The following UGT2A1 variants were observed in gnomAD, a reference collection of about 807,000 sequenced individuals.
UGT2A1 encodes UDP-glucuronosyltransferase 2A1.
Under a neutral mutation model 45.4 loss-of-function variants are expected in UGT2A1, and 61 were observed. The observed-to-expected ratio is 1.34, with a 90% CI of 1.09 to 1.66. UGT2A1 has a LOEUF of 1.66. UGT2A1 is among the 40% of genes most tolerant of loss of function. UGT2A1 has a pLI of 0.00. For missense variants in UGT2A1, 649 were observed against 574.3 expected, an observed-to-expected ratio of 1.13 and a Z score of -1.33; for synonymous variants, 229 against 196.2, an observed-to-expected ratio of 1.17 and a Z score of -1.40.
rs369471974 is a variant in UGT2A1, at chr4:69,603,563, C to G, written c.848-4169G>C. ...TCACACGCAACAGAACAAAACTGGACGGAGAATGACTTTGACGAGCTGAGA... is the reference window on the plus strand; with the variant it reads ...TCACACGCAACAGAACAAAACTGGAGGGAGAATGACTTTGACGAGCTGAGA... On this transcript the variant is annotated intron_variant, in intron 3 of 6. Transcript: ENST00000286604. The G allele has an allele frequency of 1.5e-5, 2 of 136,826 alleles. 1 individual carries two copies. The highest frequency in any genetic ancestry group is 3.1e-5 in the Non-Finnish European group (2 of 64,368). The allele number at this position is 136,826 out of a possible 1,614,324, so 8.5% of individuals were successfully genotyped here.
At chr4:69,632,660 C>T (rs1431921595) in intron 3 of UGT2A1, among the ~76,000 whole-genome samples, 4 of 151,992 alleles carry the variant, frequency 2.6e-5, no homozygotes, top group Admixed American at 1.3e-4. Flanking sequence ...GAGGCAGAGG[C>T]GGGCAGATCA....
intron 3 of UGT2A1, among the ~76,000 whole-genome samples, chr4:69,624,221 TA>T (rs1222604174): frequency 6.6e-6 from 1 of 151,550 alleles, no homozygotes; most frequent in African/African-American, 2.4e-5. Context: ...CACCTTTACT[TA>T]TAAAATGACC....
Position 69,595,065 on chromosome 4 carries a change from T to C in UGT2A1, c.1084+97A>G. The C allele has an allele frequency of 2.0e-6, 3 of 1,468,452 alleles. No homozygotes were observed. In the South Asian group the frequency reaches 3.6e-5, roughly 18 times the overall value. The allele number at this position is 1,468,452 out of a possible 1,614,324, so 91.0% of individuals were successfully genotyped here. A position where few individuals can be genotyped will look rare whatever the true frequency, so the allele number is the denominator to read the frequency against. On this transcript the variant is annotated intron_variant, in intron 5 of 6. Transcript: ENST00000286604. Reference sequence around the variant, plus strand: ...TAAAATTGAGTGTCAAATAACATTTTAAATTATTAAAAATGTATTGAATTT... The same window carrying C: ...TAAAATTGAGTGTCAAATAACATTTCAAATTATTAAAAATGTATTGAATTT...
chr4:69,591,679 A>AT (rs1718605311), intron 6 of UGT2A1, among the ~76,000 whole-genome samples: 1 of 152,148 alleles, frequency 6.6e-6, no homozygotes, highest in Admixed American at 6.6e-5. Context: ...GAGGAAGTCC[A>AT]TTTGGATGGT....
intron 3 of UGT2A1, among the ~76,000 whole-genome samples, chr4:69,630,046 A>G (rs1359036968): frequency 1.3e-5 from 2 of 152,250 alleles, no homozygotes; most frequent in Non-Finnish European, 2.9e-5. Context: ...TTTATTTCTC[A>G]TATTTAAACG....
At position 69,647,028 on chromosome 4, in the gene UGT2A1, A is replaced by G. The variant is rs187446050; in HGVS notation, c.617T>C (p.Phe206Ser). 1.6e-5 allele frequency: 25 copies of G among 1,612,834 alleles called. No homozygotes were observed. In the East Asian group the frequency reaches 5.6e-4, roughly 36 times the overall value. ...GATGAAATTTCTTATTCTGTCAGTG[A>G]AAGACATTTGGTCGGTGAGTTCTGA... ...VLSELTDQMS[F>S]TDRIRNFISY... The change falls in exon 2 of 7, where the codon TTC becomes TCC. Residue 206 changes from phenylalanine (F) to serine (S), a missense_variant. By Grantham distance (155) the Phe-to-Ser change is radical. Coordinates refer to ENST00000286604, the MANE Select transcript of UGT2A1 (RefSeq NM_001252275.3).
intron 1 of UGT2A1, among the ~76,000 whole-genome samples, chr4:69,651,980 C>T (rs1056223417): frequency 6.6e-6 from 1 of 152,154 alleles, no homozygotes; most frequent in Admixed American, 6.5e-5. Flanking sequence ...ACTTCAGGTG[C>T]CCACTTGAGT....
At chr4:69,621,957 G>A (rs1720781076) in intron 3 of UGT2A1, among the ~76,000 whole-genome samples, 1 of 151,790 alleles carries the variant, frequency 6.6e-6, no homozygotes, top group Non-Finnish European at 1.5e-5. Flanking sequence ...GCTAAATGAT[G>A]AGAACTCATG....
intron 3 of UGT2A1, among the ~76,000 whole-genome samples, chr4:69,623,718 T>G (rs1720883839): frequency 6.6e-6 from 1 of 151,262 alleles, no homozygotes; most frequent in Non-Finnish European, 1.5e-5. Flanking sequence ...TTAGGATTCA[T>G]CTCAAGTTAG....
At chr4:69,636,564 C>A (rs7662915) in intron 2 of UGT2A1, among the ~76,000 whole-genome samples, 34,019 of 151,890 alleles carry the variant, frequency 0.22, 4,089 homozygotes, top group Middle Eastern at 0.25. Flanking sequence ...TGAGAACTTG[C>A]TGTTTTACAA....
intron 3 of UGT2A1, among the ~76,000 whole-genome samples, chr4:69,610,495 C>T (rs1351263723): frequency 1.3e-5 from 2 of 152,072 alleles, no homozygotes; most frequent in Non-Finnish European, 2.9e-5. Flanking sequence ...TAATATTATG[C>T]ACCCTTTAAA....
At chr4:69,631,024 A>G (rs1721353247) in intron 3 of UGT2A1, among the ~76,000 whole-genome samples, 1 of 152,158 alleles carries the variant, frequency 6.6e-6, no homozygotes, top group Non-Finnish European at 1.5e-5. Context: ...TCTAGATATG[A>G]AATCATCGAC....
intron 3 of UGT2A1, among the ~76,000 whole-genome samples, chr4:69,611,562 C>A (rs756633828): frequency 2.6e-5 from 4 of 152,026 alleles, no homozygotes; most frequent in African/African-American, 9.6e-5. Context: ...TTCTCCAAAT[C>A]TGTGTGTTAG....
intron 4 of UGT2A1, among the ~76,000 whole-genome samples, 168 bp downstream of exon 4, chr4:69,599,078 A>G (rs1719101508): frequency 6.6e-6 from 1 of 152,176 alleles, no homozygotes; most frequent in African/African-American, 2.4e-5. Context: ...GTAAAGTTCA[A>G]AACACCTAAT....
intron 3 of UGT2A1, among the ~76,000 whole-genome samples, chr4:69,627,440 T>A (rs1040298032): frequency 6.7e-6 from 1 of 149,130 alleles, no homozygotes; most frequent in East Asian, 2.0e-4. Context: ...AGAAATATTT[T>A]TTGTTCCATA....
At chr4:69,616,993 T>G (rs563317772) in intron 3 of UGT2A1, among the ~76,000 whole-genome samples, 86 of 152,012 alleles carry the variant, frequency 5.7e-4, no homozygotes, top group African/African-American at 2.0e-3. Flanking sequence ...AGTTAAAATG[T>G]AGGTGAATGA....
chr4:69,628,185 T>C lies in UGT2A1; in HGVS notation c.847+7506A>G, dbSNP rs923678929. ...TCTCAGGGCATCAAAATGTCCATGT[T>C]ACCCAAAACAATCCAGATTCAATGA... On this transcript the variant is annotated intron_variant, in intron 3 of 6. Transcript: ENST00000286604. Among the ~76,000 whole-genome samples the C allele has an allele frequency of 4.6e-5, 7 of 151,900 alleles. 1 individual carries two copies. The highest frequency in any genetic ancestry group is 2.6e-4 in the Admixed American group (4 of 15,202).
intron 5 of UGT2A1, among the ~76,000 whole-genome samples, 193 bp from the exon 6 acceptor site, chr4:69,594,889 C>T (rs149978147): frequency 1.3e-5 from 2 of 152,238 alleles, no homozygotes; most frequent in East Asian, 3.9e-4. Context: ...ACAGCATTTG[C>T]ATTTTCTGGG....
At chr4:69,590,720 C>T (rs188490798) in intron 6 of UGT2A1, among the ~76,000 whole-genome samples, 14 of 151,610 alleles carry the variant, frequency 9.2e-5, no homozygotes, top group South Asian at 2.1e-4. Context: ...ATGGATCATC[C>T]GAATATACTT....
Sources: gnomAD v4.1 joint callset for allele counts (sites outside exome capture counted in the v4.1 genomes callset) on GRCh38, gnomAD v4.1.1 for gene constraint, MANE v1.5 for transcripts, NCBI Gene and HGNC (gene_info 2026-07-23, HGNC 2026-07-21) for gene names.